ANO1: variants seen among roughly 807,000 people sequenced by gnomAD.
ANO1 encodes anoctamin-1.
ANO1 carries 59 observed loss-of-function variants against 124.0 expected under a neutral mutation model. The observed-to-expected ratio is 0.48, with a 90% CI of 0.39 to 0.59. ANO1 has a LOEUF of 0.59. ANO1 is among the 20% of genes least tolerant of loss of function. ANO1 has a pLI of 0.00. For missense variants in ANO1, 1,059 were observed against 1,328.0 expected (o/e 0.80, Z 3.15); for synonymous variants, 529 against 532.0 (o/e 0.99, Z 0.08).
chr11:70,024,824 G>A, intron 1 of ANO1, among the ~76,000 whole-genome samples: 1 of 135,010 alleles, frequency 7.4e-6, no homozygotes, highest in African/African-American at 2.5e-5. Context: ...AGGAGGACCT[G>A]GGCCTAGCAG....
chr11:70,121,159 C>G (rs2046247286), intron 8 of ANO1, among the ~76,000 whole-genome samples: 1 of 148,202 alleles, frequency 6.7e-6, no homozygotes, highest in East Asian at 2.1e-4. Flanking sequence ...TCTCACTGTC[C>G]CTGTCTCGCT....
intron 1 of ANO1, among the ~76,000 whole-genome samples, chr11:70,020,198 C>T (rs1856775833): frequency 6.6e-6 from 1 of 152,316 alleles, no homozygotes; most frequent in Non-Finnish European, 1.5e-5. Context: ...AAATTGGACC[C>T]CATGAGCACA....
At chr11:70,042,454 G>C (rs1407980553) in intron 1 of ANO1, among the ~76,000 whole-genome samples, 1 of 152,148 alleles carries the variant, frequency 6.6e-6, no homozygotes, top group Non-Finnish European at 1.5e-5. Context: ...ATACCCAAGA[G>C]GGGGATGTTG....
chr11:69,999,696 C>T (rs1856345229), intron 1 of ANO1, among the ~76,000 whole-genome samples: 1 of 152,192 alleles, frequency 6.6e-6, no homozygotes, highest in South Asian at 2.1e-4. Context: ...AGCACAGGGA[C>T]TGTCACTTAC....
the ANO1 span, among the ~76,000 whole-genome samples, chr11:69,976,910 G>A: frequency 6.6e-6 from 1 of 152,078 alleles, no homozygotes; most frequent in South Asian, 2.1e-4. Flanking sequence ...GTCCCTGGCA[G>A]GGGTGAACGT....
At chr11:70,068,468 T>C (rs535694725) in intron 1 of ANO1, among the ~76,000 whole-genome samples, 3 of 152,184 alleles carry the variant, frequency 2.0e-5, no homozygotes, top group African/African-American at 7.2e-5. Context: ...AGGTCCCTGC[T>C]TTCCTGGTGC....
At chr11:69,972,383 G>A in the ANO1 span, among the ~76,000 whole-genome samples, 1 of 151,980 alleles carries the variant, frequency 6.6e-6, no homozygotes. Flanking sequence ...TGAAAGTCAG[G>A]AGTGCCACTG....
intron 1 of ANO1, among the ~76,000 whole-genome samples, chr11:70,025,392 A>G (rs1856875268): frequency 6.6e-6 from 1 of 151,810 alleles, no homozygotes; most frequent in Non-Finnish European, 1.5e-5. Flanking sequence ...GAGAATAATG[A>G]TGGTGGTGGT....
intron 1 of ANO1, among the ~76,000 whole-genome samples, chr11:70,079,373 C>A (rs910755385): frequency 6.6e-6 from 1 of 152,008 alleles, no homozygotes; most frequent in Non-Finnish European, 1.5e-5. Flanking sequence ...GGCGCCCAGG[C>A]CTGGTTCAGG....
At position 70,124,387 on chromosome 11, in the gene ANO1, A is replaced by G. The variant is rs774149536; in HGVS notation, c.935A>G (p.Tyr312Cys). The G allele has an allele frequency of 4.1e-5, 66 of 1,613,732 alleles. No individual in the cohort carries two copies. In the Admixed American group the frequency reaches 8.0e-4, roughly 20 times the overall value. Residue 312 changes from tyrosine (Y) to cysteine (C), a missense_variant, in exon 9 of 26, where the codon TAT becomes TGT. Physicochemically the swap from Tyr to Cys is radical, Grantham distance 194. Transcript: ENST00000355303. ...GAGTGGGCACGCTATGGAGTTTTCT[A>G]TAAGTACCAGCCCATCGACCTGGTC... is the stretch of plus-strand genomic sequence containing the variant. ...YEEWARYGVF[Y>C]KYQPIDLVRK...
chr11:69,972,050 G>A, the ANO1 span, among the ~76,000 whole-genome samples: 3 of 141,132 alleles, frequency 2.1e-5, no homozygotes, highest in Non-Finnish European at 3.1e-5. Flanking sequence ...GCGAAACCCC[G>A]GCTCTACTAA....
chr11:70,087,358 A>G (rs2044424968), intron 1 of ANO1, among the ~76,000 whole-genome samples: 1 of 152,196 alleles, frequency 6.6e-6, no homozygotes, highest in Admixed American at 6.5e-5. Flanking sequence ...ACTGTCAAAT[A>G]CTAGGTCTTA....
chr11:70,175,435 G>A (rs1210292473), intron 22 of ANO1, among the ~76,000 whole-genome samples: 2 of 152,232 alleles, frequency 1.3e-5, no homozygotes, highest in Non-Finnish European at 2.9e-5. Flanking sequence ...GACAGAGAGG[G>A]CCCCTGTGGC....
chr11:70,078,714 G>A lies in ANO1; in HGVS notation c.108G>A (p.Thr36=), dbSNP rs1364076325. 3.4e-6 allele frequency: 5 copies of A among 1,477,952 alleles called. No homozygotes were observed. Among genetic ancestry groups the A allele is most frequent in the South Asian group, 1.2e-5 (1 of 83,794 alleles). The allele number at this position is 1,477,952 out of a possible 1,614,324, so 91.6% of individuals were successfully genotyped here. A position where few individuals can be genotyped will look rare whatever the true frequency, so the allele number is the denominator to read the frequency against. The change falls in exon 1 of 26, where the codon ACG becomes ACA. Residue 36 remains threonine (T), a splice_region_variant and synonymous_variant. Transcript: ENST00000355303. ...EDIGYLPSEG[T]LLNSLSVDPD... ...TCGGCTACCTGCCGTCCGAGGGCACGGTGAGTGCGGGCGGCCGCGACCCGG... is the reference window on the plus strand; with the variant it reads ...TCGGCTACCTGCCGTCCGAGGGCACAGTGAGTGCGGGCGGCCGCGACCCGG...
intron 1 of ANO1, among the ~76,000 whole-genome samples, chr11:70,044,487 A>G (rs1591053809): frequency 6.6e-6 from 1 of 152,296 alleles, no homozygotes; most frequent in Non-Finnish European, 1.5e-5. Context: ...CATCAAAATA[A>G]ATAATGATAG....
intron 2 of ANO1, among the ~76,000 whole-genome samples, chr11:70,090,802 C>T (rs997572039): frequency 3.9e-5 from 6 of 152,182 alleles, no homozygotes; most frequent in African/African-American, 1.2e-4. Context: ...TAACTTGGCT[C>T]AAGGGCTAAA....
At chr11:70,042,820 A>G (rs1857204312) in intron 1 of ANO1, among the ~76,000 whole-genome samples, 1 of 152,220 alleles carries the variant, frequency 6.6e-6, no homozygotes, top group South Asian at 2.1e-4. Flanking sequence ...GCCCTATCAA[A>G]GTGTAGGAGC....
chr11:70,014,045 A>G (rs1856653284), intron 1 of ANO1, among the ~76,000 whole-genome samples: 2 of 151,984 alleles, frequency 1.3e-5, no homozygotes, highest in South Asian at 2.1e-4. Context: ...TCCTCTTCTT[A>G]TAAGAACACA....
At chr11:70,095,299 G>GGAAAGAAA (rs58358100) in intron 2 of ANO1, among the ~76,000 whole-genome samples, 2 of 50,974 alleles carry the variant, frequency 3.9e-5, no homozygotes, top group African/African-American at 1.8e-4. Context: ...AAGGAAGGAA[G>GGAAAGAAA]GAAAGAAAGA....
Sources: allele counts gnomAD v4.1 joint callset (sites outside exome capture counted in the v4.1 genomes callset), GRCh38; gene constraint gnomAD v4.1.1; transcripts MANE v1.5; gene names NCBI Gene and HGNC (gene_info 2026-07-23, HGNC 2026-07-21).